The following SPAG17 variants were observed in gnomAD, a reference collection of about 807,000 sequenced individuals.
The protein encoded by SPAG17 is sperm-associated antigen 17.
A neutral mutation model predicts 273.6 loss-of-function variants in SPAG17; 169 were observed. The ratio of observed to expected loss-of-function variants is 0.62; its 90% confidence interval spans 0.55 to 0.70. The LOEUF is 0.70. SPAG17 is among the 30% of genes least tolerant of loss of function. The probability of loss-of-function intolerance (pLI) is 0.00; values close to 1 mark genes in which losing one functional copy is unlikely to be tolerated. For missense variants in SPAG17, 2,557 were observed against 2,627.8 expected (o/e 0.97, Z 0.59); for synonymous variants, 825 against 873.2 (o/e 0.94, Z 0.97).
intron 20 of SPAG17, among the ~76,000 whole-genome samples, chr1:118,045,363 C>G (rs1441889020): frequency 6.6e-6 from 1 of 152,130 alleles, no homozygotes; most frequent in Non-Finnish European, 1.5e-5. Context: ...TCTATCACGC[C>G]CACATAACGA....
chr1:118,110,459 A>G (rs1656690150), intron 4 of SPAG17, among the ~76,000 whole-genome samples: 1 of 152,178 alleles, frequency 6.6e-6, no homozygotes, highest in African/African-American at 2.4e-5. Context: ...TAGTCTATGA[A>G]AGACTTTAGT....
At position 118,138,100 on chromosome 1, in the gene SPAG17, C is replaced by A. The variant is rs186462920; in HGVS notation, c.315+12443G>T. The stretch of plus-strand genomic sequence containing the variant: ...AATATACTCTGTCTGGGGATCATGA[C>A]CCTTTTGGCTGGAAGTTGTGAACAA... On this transcript the variant is annotated intron_variant, in intron 3 of 48. Transcript: ENST00000336338. Among the ~76,000 whole-genome samples, 308 of 152,280 alleles carry A rather than the reference C, an allele frequency of 2.0e-3. 6 individuals carry two copies. Among genetic ancestry groups the A allele is most frequent in the African/African-American group, 7.1e-3 (296 of 41,550 alleles).
At chr1:118,010,450 A>C (rs1659358811) in intron 30 of SPAG17, among the ~76,000 whole-genome samples, 1 of 152,164 alleles carries the variant, frequency 6.6e-6, no homozygotes, top group South Asian at 2.1e-4. Context: ...ATCAACAAAA[A>C]CAAGCAATGA....
intron 48 of SPAG17, chr1:117,954,542 A>G (rs773397621): frequency 6.2e-7 from 1 of 1,600,962 alleles, no homozygotes; most frequent in Non-Finnish European, 8.5e-7. Context: ...CCTAAGTCTC[A>G]GTTTTTTTAA....
intron 24 of SPAG17, among the ~76,000 whole-genome samples, chr1:118,035,632 C>G (rs1047877850): frequency 2.0e-5 from 3 of 152,048 alleles, no homozygotes; most frequent in African/African-American, 7.2e-5. Flanking sequence ...TTATAATCAT[C>G]CATTGAAAAT....
intron 32 of SPAG17, among the ~76,000 whole-genome samples, chr1:117,999,400 A>T (rs1268683237): frequency 6.6e-6 from 1 of 152,154 alleles, no homozygotes; most frequent in East Asian, 1.9e-4. Context: ...TTGAGGAATC[A>T]CCATACCATC....
At chr1:118,067,475 C>A (rs1414758806) in intron 17 of SPAG17, among the ~76,000 whole-genome samples, 1 of 152,136 alleles carries the variant, frequency 6.6e-6, no homozygotes, top group African/African-American at 2.4e-5. Flanking sequence ...CTTCTCCATC[C>A]CCACTCCCTC....
At chr1:118,114,850 G>T (rs1453689841) in intron 4 of SPAG17, among the ~76,000 whole-genome samples, 1 of 152,160 alleles carries the variant, frequency 6.6e-6, no homozygotes, top group Admixed American at 6.6e-5. Flanking sequence ...ATGGATTGCT[G>T]CTGAAATATT....
chr1:118,044,282 C>T (rs12127442), intron 20 of SPAG17, among the ~76,000 whole-genome samples: 55,861 of 151,790 alleles, frequency 0.37, 11,430 homozygotes, highest in Non-Finnish European at 0.46. Context: ...GTCAGGAGTT[C>T]GAGACCAGCC....
chr1:118,066,955 G>A, intron 17 of SPAG17, 56 bp from the exon 18 acceptor site: 2 of 1,518,914 alleles, frequency 1.3e-6, no homozygotes, highest in Non-Finnish European at 1.8e-6. Flanking sequence ...CAAGAGAAGG[G>A]TCTCCTACTA....
chr1:118,175,380 T>C (rs1660643978), intron 1 of SPAG17, among the ~76,000 whole-genome samples: 1 of 151,956 alleles, frequency 6.6e-6, no homozygotes, highest in Non-Finnish European at 1.5e-5. Context: ...TTCATTGCAT[T>C]AGGCAACACA....
intron 4 of SPAG17, among the ~76,000 whole-genome samples, chr1:118,111,619 G>A (rs917432634): frequency 6.7e-6 from 1 of 148,396 alleles, no homozygotes; most frequent in African/African-American, 2.5e-5. Flanking sequence ...CTGGTTTCCA[G>A]TGTTTCGGAG....
intron 10 of SPAG17, among the ~76,000 whole-genome samples, chr1:118,088,380 A>T (rs1655144484): frequency 6.6e-6 from 1 of 152,226 alleles, no homozygotes. Context: ...GTAAAATAAA[A>T]CAAGAAAGGA....
At chr1:117,979,672 C>A (rs1034539936) in intron 43 of SPAG17, among the ~76,000 whole-genome samples, 1 of 152,210 alleles carries the variant, frequency 6.6e-6, no homozygotes, top group African/African-American at 2.4e-5. Context: ...ACTACATGAT[C>A]TAATCTCTGC....
intron 24 of SPAG17, among the ~76,000 whole-genome samples, chr1:118,032,511 T>A (rs1309203045): frequency 6.6e-6 from 1 of 151,980 alleles, no homozygotes; most frequent in African/African-American, 2.4e-5. Flanking sequence ...ATTCTCTGAA[T>A]CTCTTACCTC....
At chr1:118,007,935 A>G in intron 31 of SPAG17, 109 bp downstream of exon 31, 1 of 1,131,680 alleles carries the variant, frequency 8.8e-7, no homozygotes, top group East Asian at 2.4e-5. Flanking sequence ...AAGAGAATGA[A>G]AGCAACAGCA....
intron 20 of SPAG17, among the ~76,000 whole-genome samples, chr1:118,043,585 C>T (rs1450932349): frequency 1.3e-5 from 2 of 152,140 alleles, no homozygotes; most frequent in African/African-American, 4.8e-5. Context: ...TAATGGTGTG[C>T]TACTGCATAG....
intron 18 of SPAG17, among the ~76,000 whole-genome samples, 163 bp downstream of exon 18, chr1:118,066,582 C>T (rs781441189): frequency 7.9e-5 from 12 of 152,204 alleles, no homozygotes; most frequent in Non-Finnish European, 1.8e-4. Flanking sequence ...CACATGCTGA[C>T]ATTCAATTTA....
rs1199716856 is a variant in SPAG17, at chr1:118,051,602, A to T, written c.2814+2400T>A. 2.0e-5 allele frequency among the ~76,000 whole-genome samples: 3 copies of T among 150,498 alleles called. No homozygotes were observed. In the East Asian group the frequency reaches 5.8e-4, roughly 29 times the overall value. On this transcript the variant is annotated intron_variant, in intron 20 of 48. Coordinates refer to ENST00000336338, the MANE Select transcript of SPAG17 (RefSeq NM_206996.4). The stretch of plus-strand genomic sequence containing the variant: ...ATGTATATATTCTGTAATACTATGT[A>T]TACATATATTACATTATGTACATAC...
Sources: allele counts gnomAD v4.1 joint callset (sites outside exome capture counted in the v4.1 genomes callset), GRCh38; gene constraint gnomAD v4.1.1; transcripts MANE v1.5; gene names NCBI Gene and HGNC (gene_info 2026-07-23, HGNC 2026-07-21).